The following DLG2 variants were observed in gnomAD, a reference collection of about 807,000 sequenced individuals.
DLG2 encodes the protein discs large MAGUK scaffold protein 2.
A neutral mutation model predicts 132.5 loss-of-function variants in DLG2; 45 were observed. The observed-to-expected ratio is 0.34, with a 90% CI of 0.27 to 0.44. The LOEUF (loss-of-function observed/expected upper bound fraction) is 0.44, where lower values mean the gene tolerates loss of function less well. DLG2 is among the 20% of genes least tolerant of loss of function. DLG2 has a pLI of 1.00. For missense variants in DLG2, 1,045 were observed against 1,196.9 expected (o/e 0.87, Z 1.87); for synonymous variants, 424 against 419.6 (o/e 1.01, Z -0.13).
intron 3 of DLG2, among the ~76,000 whole-genome samples, chr11:85,586,089 G>A (rs1203310024): frequency 2.0e-5 from 3 of 152,146 alleles, no homozygotes; most frequent in Non-Finnish European, 4.4e-5. Context: ...TGATTATGGT[G>A]TATGATCCAT....
chr11:84,906,381 A>ACACACACACACACAC (rs2091514541), intron 6 of DLG2, among the ~76,000 whole-genome samples: 1 of 144,206 alleles, frequency 6.9e-6, no homozygotes. Context: ...CAGCAAGGCT[A>ACACACACACACACAC]ACACACACAC....
At chr11:84,361,082 T>A (rs2098647258) in intron 7 of DLG2, among the ~76,000 whole-genome samples, 1 of 151,770 alleles carries the variant, frequency 6.6e-6, no homozygotes, top group Non-Finnish European at 1.5e-5. Context: ...CACAGAGATT[T>A]TAAAACACTG....
At chr11:85,365,714 A>G (rs746794777) in intron 3 of DLG2, among the ~76,000 whole-genome samples, 3 of 152,230 alleles carry the variant, frequency 2.0e-5, no homozygotes, top group Non-Finnish European at 4.4e-5. Context: ...CTGGATAAAG[A>G]AAATGTGGCA....
chr11:85,180,350 C>CT (rs1181652446), intron 4 of DLG2, among the ~76,000 whole-genome samples: 1 of 151,672 alleles, frequency 6.6e-6, no homozygotes, highest in Non-Finnish European at 1.5e-5. Context: ...TTTTGTTAAA[C>CT]TTTTTTTAAT....
At chr11:85,184,793 A>G (rs2152519158) in intron 4 of DLG2, among the ~76,000 whole-genome samples, 1 of 152,078 alleles carries the variant, frequency 6.6e-6, no homozygotes, top group Non-Finnish European at 1.5e-5. Context: ...AAAAAAAATA[A>G]AAGCAAGTTA....
chr11:84,542,365 C>A (rs1274369952), intron 6 of DLG2, among the ~76,000 whole-genome samples: 1 of 152,124 alleles, frequency 6.6e-6, no homozygotes, highest in African/African-American at 2.4e-5. Flanking sequence ...TTACACAAAG[C>A]CTGACATTAA....
chr11:84,164,445 A>C (rs2095616429), intron 8 of DLG2, among the ~76,000 whole-genome samples: 1 of 152,168 alleles, frequency 6.6e-6, no homozygotes, highest in Non-Finnish European at 1.5e-5. Context: ...ATAAAGCCAT[A>C]CTTTTTATAG....
intron 6 of DLG2, among the ~76,000 whole-genome samples, chr11:84,602,260 C>G (rs761476739): frequency 2.0e-5 from 3 of 151,682 alleles, no homozygotes; most frequent in Non-Finnish European, 2.9e-5. Flanking sequence ...CATGCAGTGT[C>G]TCAGTTTATT....
At chr11:84,239,447 G>T (rs2154341874) in intron 8 of DLG2, among the ~76,000 whole-genome samples, 1 of 152,256 alleles carries the variant, frequency 6.6e-6, no homozygotes. Context: ...CTCCCAAAGT[G>T]CTGGGATTAC....
chr11:84,587,915 C>G (rs1593045452), intron 6 of DLG2, among the ~76,000 whole-genome samples: 1 of 152,268 alleles, frequency 6.6e-6, no homozygotes, highest in South Asian at 2.1e-4. Context: ...TTACAGCTCA[C>G]CTGAACCATG....
At chr11:85,335,241 C>CTTTTTTT (rs34680409) in intron 3 of DLG2, among the ~76,000 whole-genome samples, 1 of 148,268 alleles carries the variant, frequency 6.7e-6, no homozygotes, top group Non-Finnish European at 1.5e-5. Flanking sequence ...AGCATCTCTG[C>CTTTTTTT]TTTTTTTTTT....
Position 85,453,915 on chromosome 11 carries a change from T to C in DLG2, c.40+144742A>G, listed in dbSNP as rs146041380. ...ATAGTACCCAATAGGTATTTTTTTA[T>C]GCTCTCCTTCCTCCCACCCTCCACC... On this transcript the variant is annotated intron_variant, in intron 3 of 27. Coordinates refer to ENST00000376104, the MANE Select transcript of DLG2 (RefSeq NM_001142699.3). 4.3e-3 allele frequency among the ~76,000 whole-genome samples: 656 copies of C among 152,244 alleles called. 9 individuals carry two copies. Among genetic ancestry groups the C allele is most frequent in the African/African-American group, 0.015 (610 of 41,544 alleles).
intron 6 of DLG2, among the ~76,000 whole-genome samples, chr11:84,979,307 G>A (rs1475283614): frequency 3.3e-5 from 5 of 152,144 alleles, no homozygotes; most frequent in Non-Finnish European, 4.4e-5. Flanking sequence ...CCATTACTGG[G>A]TATATACCCA....
chr11:85,038,038 G>A (rs2061559387), intron 6 of DLG2, among the ~76,000 whole-genome samples: 1 of 152,076 alleles, frequency 6.6e-6, no homozygotes, highest in African/African-American at 2.4e-5. Flanking sequence ...TTACTTGCCT[G>A]TGAAAGATAA....
rs557161092 is a variant in DLG2 at position 84,189,308 on chromosome 11, T to C, written c.574-25797A>G. On this transcript the variant is annotated intron_variant, in intron 8 of 27. Coordinates refer to ENST00000376104, the MANE Select transcript of DLG2 (RefSeq NM_001142699.3). ...CTCACACCTGTCAGAATGACTATTA[T>C]TAAAAAGTGAAAACACAACAGATGC... Among the ~76,000 whole-genome samples the C allele has an allele frequency of 5.3e-5, 8 of 152,302 alleles. No homozygotes were observed. The East Asian group carries it at 1.3e-3, about 26-fold the overall frequency.
intron 9 of DLG2, among the ~76,000 whole-genome samples, chr11:84,113,911 T>C (rs2093490998): frequency 6.6e-6 from 1 of 152,092 alleles, no homozygotes; most frequent in African/African-American, 2.4e-5. Context: ...TCCACAGTTA[T>C]CTGAAAAGCC....
chr11:84,492,365 T>A (rs61897714), intron 7 of DLG2, among the ~76,000 whole-genome samples: 1 of 152,128 alleles, frequency 6.6e-6, no homozygotes, highest in Non-Finnish European at 1.5e-5. Flanking sequence ...GTGGGTGATA[T>A]AACTCCAGCT....
At chr11:84,794,602 C>T (rs539819140) in intron 6 of DLG2, among the ~76,000 whole-genome samples, 46 of 152,308 alleles carry the variant, frequency 3.0e-4, no homozygotes, top group Middle Eastern at 3.4e-3. Context: ...GTTATGGGCC[C>T]AGGTATCTCT....
intron 9 of DLG2, among the ~76,000 whole-genome samples, chr11:84,118,105 C>T (rs536235826): frequency 5.3e-5 from 8 of 152,132 alleles, no homozygotes; most frequent in Non-Finnish European, 1.2e-4. Context: ...GATCCACCTG[C>T]GTCGGCCTCC....
Sources: allele counts gnomAD v4.1 joint callset (sites outside exome capture counted in the v4.1 genomes callset), GRCh38; gene constraint gnomAD v4.1.1; transcripts MANE v1.5; gene names NCBI Gene and HGNC (gene_info 2026-07-23, HGNC 2026-07-21).